The following ASTN2 variants were observed in gnomAD, a reference collection of about 807,000 sequenced individuals.
ASTN2 encodes the protein astrotactin-2.
Under a neutral mutation model 139.8 loss-of-function variants are expected in ASTN2, and 54 were observed. The observed-to-expected ratio is 0.39, with a 90% CI of 0.31 to 0.48. The LOEUF is 0.48. ASTN2 is among the 20% of genes least tolerant of loss of function. ASTN2 has a pLI of 0.95. For synonymous variants in ASTN2, 756 were observed against 719.5 expected, an observed-to-expected ratio of 1.05 and a Z score of -0.81; for missense variants, 1,565 against 1,725.1, an observed-to-expected ratio of 0.91 and a Z score of 1.64.
At chr9:117,092,316 G>A (rs1200613991) in intron 5 of ASTN2, among the ~76,000 whole-genome samples, 2 of 151,958 alleles carry the variant, frequency 1.3e-5, no homozygotes, top group Non-Finnish European at 2.9e-5. Flanking sequence ...GCAGTGCAGG[G>A]CCCTTAACCA....
intron 21 of ASTN2, 150 bp downstream of exon 21, chr9:116,442,303 T>G (rs1245971003): frequency 1.5e-6 from 1 of 680,742 alleles, no homozygotes; most frequent in African/African-American, 1.8e-5. Context: ...AGCTCCATGT[T>G]CCTCCTGTTC....
At chr9:116,843,595 G>A (rs928068071) in intron 11 of ASTN2, among the ~76,000 whole-genome samples, 2 of 150,600 alleles carry the variant, frequency 1.3e-5, no homozygotes, top group African/African-American at 4.9e-5. Flanking sequence ...GGAGGCAGAT[G>A]TTGCAGTGAG....
At chr9:116,954,690 T>C (rs916993296) in intron 10 of ASTN2, among the ~76,000 whole-genome samples, 1 of 152,026 alleles carries the variant, frequency 6.6e-6, no homozygotes, top group South Asian at 2.1e-4. Flanking sequence ...ATGGGCCAAA[T>C]TGGCTCATGG....
chr9:116,852,614 A>T (rs1299934197), intron 11 of ASTN2, among the ~76,000 whole-genome samples: 1 of 152,216 alleles, frequency 6.6e-6, no homozygotes, highest in Non-Finnish European at 1.5e-5. Flanking sequence ...AGCAGGGATC[A>T]GAGAGAAGCT....
Position 117,214,529 on chromosome 9 carries a change from C to G in ASTN2, c.844G>C (p.Val282Leu). 2 of 1,613,936 alleles carry G rather than the reference C, an allele frequency of 1.2e-6. No homozygotes were observed. Among genetic ancestry groups the G allele is most frequent in the South Asian group, 2.2e-5 (2 of 91,080 alleles). The change falls in exon 3 of 23, where the codon GTG becomes CTG. Residue 282 changes from valine to leucine, a missense_variant. This residue lies in a region of ASTN2 where 596 missense variants were observed against 576.8 expected (regional missense o/e 1.03). Transcript: ENST00000313400. ...RLQTHNSVIGVPIRETPILDD... is the reference protein window; with the variant it reads ...RLQTHNSVIGLPIRETPILDD... ...AGGATGGGAGTCTCCCGGATGGGCACGCCAATGACGGAATTGTGGGTTTGC... is the reference window on the plus strand; with the variant it reads ...AGGATGGGAGTCTCCCGGATGGGCAGGCCAATGACGGAATTGTGGGTTTGC...
chr9:116,960,511 C>A (rs1835848851), intron 10 of ASTN2, among the ~76,000 whole-genome samples: 1 of 151,318 alleles, frequency 6.6e-6, no homozygotes, highest in Admixed American at 6.6e-5. Flanking sequence ...GACTAATATA[C>A]CTTCATCTAA....
intron 5 of ASTN2, among the ~76,000 whole-genome samples, chr9:117,072,870 C>G (rs1165945518): frequency 6.6e-6 from 1 of 151,902 alleles, no homozygotes; most frequent in Non-Finnish European, 1.5e-5. Context: ...GTTAGGTATC[C>G]AAACATAAAA....
At chr9:117,182,326 G>GAC (rs35259944) in intron 3 of ASTN2, among the ~76,000 whole-genome samples, 126,482 of 149,188 alleles carry the variant, frequency 0.85, 53,591 homozygotes, top group East Asian at 0.95. Flanking sequence ...CACAGACACA[G>GAC]ACACACACAC....
chr9:117,305,840 C>T (rs1447126268), intron 1 of ASTN2, among the ~76,000 whole-genome samples: 1 of 152,240 alleles, frequency 6.6e-6, no homozygotes, highest in Non-Finnish European at 1.5e-5. Flanking sequence ...CCACAGGTAA[C>T]AATGCTGAGT....
intron 3 of ASTN2, among the ~76,000 whole-genome samples, chr9:117,144,660 G>GTTTTTTTTT (rs71379267): frequency 1.4e-4 from 11 of 78,350 alleles, no homozygotes; most frequent in African/African-American, 6.6e-4. Flanking sequence ...GTGAACACTA[G>GTTTTTTTTT]TTTTTTTTTT....
intron 5 of ASTN2, among the ~76,000 whole-genome samples, chr9:117,055,114 C>T (rs1015557831): frequency 2.0e-5 from 3 of 152,224 alleles, no homozygotes; most frequent in African/African-American, 4.8e-5. Context: ...TACCAGTCTG[C>T]AGCCTGGGGG....
intron 16 of ASTN2, among the ~76,000 whole-genome samples, chr9:116,655,706 T>C (rs191956947): frequency 2.0e-5 from 3 of 152,070 alleles, no homozygotes; most frequent in Non-Finnish European, 2.9e-5. Context: ...ATTTTTTTTA[T>C]ATATATACAG....
rs1262325424 is a variant in ASTN2, at chr9:117,214,365, C to T, written c.1008G>A (p.Glu336=). 6.3e-7 allele frequency: 1 copy of T among 1,585,100 alleles called. No individual in the cohort carries two copies. Residue 336 remains glutamate, a synonymous_variant, in exon 3 of 23, where the codon GAG becomes GAA. Transcript: ENST00000313400. ...GHPGEEKVDF[E]KKAAAEATQE... is the part of the protein sequence containing the mutation. The stretch of plus-strand genomic sequence containing the variant: ...GTGACATGGAGGACTCACCTTTCTT[C>T]TCAAAGTCCACCTTCTCTTCCCCTG...
chr9:116,700,410 G>T (rs927829780), intron 16 of ASTN2: 1 of 167,158 alleles, frequency 6.0e-6, no homozygotes, highest in African/African-American at 2.4e-5. Flanking sequence ...GAAATTGCTT[G>T]CCTTTTAAAG....
At chr9:116,596,074 A>G (rs1439833910) in intron 19 of ASTN2, among the ~76,000 whole-genome samples, 1 of 152,226 alleles carries the variant, frequency 6.6e-6, no homozygotes, top group Non-Finnish European at 1.5e-5. Flanking sequence ...TGGTATATGC[A>G]TACAATGGAT....
At chr9:117,326,706 T>G (rs529857651) in intron 1 of ASTN2, among the ~76,000 whole-genome samples, 1 of 152,110 alleles carries the variant, frequency 6.6e-6, no homozygotes, top group East Asian at 1.9e-4. Context: ...GAAACTGATA[T>G]GTGGAAAGGC....
intron 19 of ASTN2, among the ~76,000 whole-genome samples, chr9:116,555,198 A>G (rs1389866339): frequency 6.6e-6 from 1 of 152,176 alleles, no homozygotes; most frequent in Admixed American, 6.5e-5. Flanking sequence ...TTTAGAGGCC[A>G]CAGAAAACAG....
intron 2 of ASTN2, among the ~76,000 whole-genome samples, chr9:117,238,358 C>T (rs1369544457): frequency 1.3e-5 from 2 of 152,164 alleles, no homozygotes; most frequent in African/African-American, 2.4e-5. Context: ...AAACCCAGGT[C>T]AGCTCAACTC....
chr9:116,942,050 TA>T (rs1835250314), intron 10 of ASTN2, among the ~76,000 whole-genome samples: 1 of 145,510 alleles, frequency 6.9e-6, no homozygotes, highest in South Asian at 2.2e-4. Flanking sequence ...AGAGGGAAAG[TA>T]AAATATGTAT....
Sources: allele counts gnomAD v4.1 joint callset (sites outside exome capture counted in the v4.1 genomes callset), GRCh38; gene constraint gnomAD v4.1.1; regional missense constraint gnomAD v4.1.1; transcripts MANE v1.5; gene names NCBI Gene and HGNC (gene_info 2026-07-23, HGNC 2026-07-21).